The following CEP135 variants were observed in gnomAD, a reference collection of about 807,000 sequenced individuals.
CEP135 encodes centrosomal protein of 135 kDa.
In CEP135, 142 loss-of-function variants were observed where a neutral mutation model predicts 157.3. That is an observed-to-expected ratio of 0.90 (90% CI 0.79 to 1.04). CEP135 has a LOEUF of 1.04. CEP135 is among the 50% of genes least tolerant of loss of function. The pLI, the probability that CEP135 is intolerant of heterozygous loss-of-function variation, is 0.00. For missense variants in CEP135, 1,317 were observed against 1,309.2 expected (o/e 1.01, Z -0.09); for synonymous variants, 396 against 439.8 (o/e 0.90, Z 1.25).
Position 55,987,060 on chromosome 4 carries a change from C to G in CEP135, c.1857+1702C>G, listed in dbSNP as rs566463874. Among the ~76,000 whole-genome samples the G allele has an allele frequency of 4.6e-4, 70 of 152,272 alleles. 2 individuals are homozygous for G. The South Asian group carries it at 0.014, about 30-fold the overall frequency. On this transcript the variant is annotated intron_variant, in intron 14 of 25. Transcript: ENST00000257287. The stretch of plus-strand genomic sequence containing the variant: ...TGCAGTTAAATTATATGGAAGTAGC[C>G]TGATCCTTTTCAGTCTTGCCGTTAA...
intron 25 of CEP135, among the ~76,000 whole-genome samples, chr4:56,030,298 A>G (rs1731297064): frequency 6.6e-6 from 1 of 152,210 alleles, no homozygotes; most frequent in Non-Finnish European, 1.5e-5. Flanking sequence ...ACTTTAAAAT[A>G]ATGATTAAAA....
chr4:55,989,923 A>G (rs1433507208), intron 14 of CEP135, among the ~76,000 whole-genome samples: 1 of 152,216 alleles, frequency 6.6e-6, no homozygotes, highest in Non-Finnish European at 1.5e-5. Flanking sequence ...TGTACCAGAT[A>G]TGATGGAGCT....
intron 4 of CEP135, among the ~76,000 whole-genome samples, chr4:55,955,894 T>A (rs1577863554): frequency 1.3e-5 from 2 of 151,732 alleles, no homozygotes; most frequent in African/African-American, 4.8e-5. Context: ...TGGGCCCTGG[T>A]GGAGATGCAA....
intron 10 of CEP135, among the ~76,000 whole-genome samples, chr4:55,973,354 G>T (rs1490435619): frequency 6.6e-6 from 1 of 152,164 alleles, no homozygotes; most frequent in Non-Finnish European, 1.5e-5. Flanking sequence ...AAAATGTTTT[G>T]CACTGTCAAT....
chr4:56,020,475 T>G (rs892003046), intron 23 of CEP135, among the ~76,000 whole-genome samples: 5 of 152,212 alleles, frequency 3.3e-5, no homozygotes, highest in Admixed American at 6.5e-5. Context: ...ATTGCTTTAG[T>G]GCTTAGCACA....
intron 17 of CEP135, among the ~76,000 whole-genome samples, chr4:56,000,189 CTAAA>C (rs901047825): frequency 2.0e-5 from 3 of 151,848 alleles, no homozygotes; most frequent in Non-Finnish European, 2.9e-5. Context: ...CACCCTGCCT[CTAAA>C]TAAATAAATA....
intron 13 of CEP135, among the ~76,000 whole-genome samples, chr4:55,981,862 G>A (rs1327220765): frequency 6.6e-6 from 1 of 152,118 alleles, no homozygotes; most frequent in South Asian, 2.1e-4. Context: ...AATGTAAGTC[G>A]GAAAAAATGC....
intron 17 of CEP135, among the ~76,000 whole-genome samples, chr4:56,007,739 A>T (rs544890100): frequency 6.6e-6 from 1 of 152,288 alleles, no homozygotes; most frequent in South Asian, 2.1e-4. Context: ...ACTTGGTGCC[A>T]GCCAGATTGA....
chr4:55,962,008 A>G (rs1728696893), intron 6 of CEP135, among the ~76,000 whole-genome samples: 1 of 152,026 alleles, frequency 6.6e-6, no homozygotes, highest in African/African-American at 2.4e-5. Context: ...AAGTACTTAT[A>G]TAACCACTTT....
At chr4:55,965,583 A>G (rs928988357) in intron 7 of CEP135, 61 bp from the exon 8 acceptor site, 1 of 1,074,192 alleles carries the variant, frequency 9.3e-7, no homozygotes, top group Non-Finnish European at 1.4e-6. Context: ...ATTATTTGGA[A>G]AGTCAGTGTT....
intron 11 of CEP135, among the ~76,000 whole-genome samples, chr4:55,977,976 G>GA (rs1207351297): frequency 6.6e-6 from 1 of 152,194 alleles, no homozygotes; most frequent in Non-Finnish European, 1.5e-5. Context: ...ATACAGAGAT[G>GA]AAGACAGTTC....
At chr4:55,964,018 A>G (rs552886878) in intron 6 of CEP135, among the ~76,000 whole-genome samples, 16 of 152,354 alleles carry the variant, frequency 1.1e-4, no homozygotes, top group Non-Finnish European at 1.8e-4. Context: ...GGAAAAAAAT[A>G]CAAAAATTAA....
chr4:56,014,101 G>T (rs1730685711), intron 21 of CEP135, among the ~76,000 whole-genome samples: 1 of 152,196 alleles, frequency 6.6e-6, no homozygotes, highest in Non-Finnish European at 1.5e-5. Context: ...AACCAAACCT[G>T]CCAACACCTG....
intron 11 of CEP135, among the ~76,000 whole-genome samples, chr4:55,976,707 A>G (rs1196130799): frequency 6.6e-6 from 1 of 152,190 alleles, no homozygotes. Context: ...TGCAGGCATG[A>G]AAGAGGATAG....
At chr4:56,018,006 G>T in intron 22 of CEP135, 149 bp downstream of exon 22, 1 of 679,570 alleles carries the variant, frequency 1.5e-6, no homozygotes, top group Non-Finnish European at 2.4e-6. Context: ...TGTCGCTTAG[G>T]CTGGTGGAGT....
chr4:56,015,177 A>G (rs769275968), intron 21 of CEP135, among the ~76,000 whole-genome samples: 2 of 152,254 alleles, frequency 1.3e-5, no homozygotes, highest in Admixed American at 6.5e-5. Context: ...GAATCCAATC[A>G]ATCATCTCAG....
chr4:55,970,744 T>C (rs1025894059), intron 9 of CEP135, among the ~76,000 whole-genome samples: 4 of 152,226 alleles, frequency 2.6e-5, no homozygotes, highest in Admixed American at 2.0e-4. Context: ...AATGATAATA[T>C]TGATAGCTAA....
At chr4:56,012,084 G>C in intron 21 of CEP135, 99 bp downstream of exon 21, 2 of 789,804 alleles carry the variant, frequency 2.5e-6, no homozygotes, top group Non-Finnish European at 3.6e-6. Context: ...TTGAGATGAA[G>C]TCTGACTCTG....
intron 14 of CEP135, among the ~76,000 whole-genome samples, chr4:55,991,013 T>C (rs1729771111): frequency 1.3e-5 from 2 of 152,162 alleles, no homozygotes; most frequent in African/African-American, 2.4e-5. Context: ...TCTCACTCTG[T>C]TGCCCAGGCA....
Sources: gnomAD v4.1 joint callset for allele counts (sites outside exome capture counted in the v4.1 genomes callset) on GRCh38, gnomAD v4.1.1 for gene constraint, MANE v1.5 for transcripts, NCBI Gene and HGNC (gene_info 2026-07-23, HGNC 2026-07-21) for gene names.